FRAS1: variants seen among roughly 807,000 people sequenced by gnomAD.
The protein encoded by FRAS1 is extracellular matrix organizing protein FRAS1.
Under a neutral mutation model 435.2 loss-of-function variants are expected in FRAS1, and 290 were observed. The ratio of observed to expected loss-of-function variants is 0.67; its 90% CI spans 0.61 to 0.73. FRAS1 has a LOEUF of 0.73. Ranked by LOEUF, FRAS1 falls within the 30% of genes least tolerant of loss-of-function variation. The pLI is 0.00. For missense variants in FRAS1, 4,860 were observed against 5,001.5 expected, an observed-to-expected ratio of 0.97 and a Z score of 0.85; for synonymous variants, 1,800 against 1,851.0, an observed-to-expected ratio of 0.97 and a Z score of 0.71.
At chr4:78,528,007 G>T (rs143417512) in intron 70 of FRAS1, among the ~76,000 whole-genome samples, 1 of 152,124 alleles carries the variant, frequency 6.6e-6, no homozygotes, top group African/African-American at 2.4e-5. Flanking sequence ...GGCAGGCAGT[G>T]AATCAATGGA....
chr4:78,182,879 C>T (rs1373577089), intron 2 of FRAS1, among the ~76,000 whole-genome samples: 1 of 27,980 alleles, frequency 3.6e-5, no homozygotes, highest in East Asian at 7.6e-4. Context: ...GACCCTGTCT[C>T]AAAAAAAAGA....
intron 2 of FRAS1, among the ~76,000 whole-genome samples, chr4:78,091,928 G>C (rs1055152175): frequency 4.6e-5 from 6 of 130,558 alleles, no homozygotes; most frequent in African/African-American, 1.7e-4. Flanking sequence ...AGGAGGATCG[G>C]TTGAGTCCAG....
At chr4:78,386,689 G>A (rs1056637082) in intron 28 of FRAS1, among the ~76,000 whole-genome samples, 5 of 151,966 alleles carry the variant, frequency 3.3e-5, no homozygotes, top group Admixed American at 3.3e-4. Flanking sequence ...TTTTTCTGTT[G>A]TGGTTCATTA....
chr4:78,323,090 C>T (rs1410140923), intron 18 of FRAS1, among the ~76,000 whole-genome samples: 1 of 152,170 alleles, frequency 6.6e-6, no homozygotes, highest in East Asian at 1.9e-4. Context: ...CACTTGTATG[C>T]ATTTGTCCTG....
intron 2 of FRAS1, among the ~76,000 whole-genome samples, chr4:78,143,023 T>C (rs1328571224): frequency 6.6e-6 from 1 of 152,158 alleles, no homozygotes; most frequent in Non-Finnish European, 1.5e-5. Flanking sequence ...TTAATTCCAT[T>C]ACATATAAAA....
At chr4:78,115,814 TG>T (rs879704889) in intron 2 of FRAS1, among the ~76,000 whole-genome samples, 43 of 152,138 alleles carry the variant, frequency 2.8e-4, no homozygotes, top group Admixed American at 2.2e-3. Flanking sequence ...AAGTTTTTTT[TG>T]TGTGTCTATT....
rs1490950442 is a variant in FRAS1 at position 78,317,332 on chromosome 4, G to A, written c.1820-36G>A. ...GGAAGTGGGCACTTTATTCACCCAT[G>A]TCCCATGGCGTTCTCCCTCTCACTC... On this transcript the variant is annotated intron_variant, in intron 16 of 73. Transcript: ENST00000512123. 1.9e-6 allele frequency: 3 copies of A among 1,613,064 alleles called. No individual in the cohort carries two copies. The Admixed American group carries it at 5.0e-5, about 27-fold the overall frequency.
intron 1 of FRAS1, among the ~76,000 whole-genome samples, chr4:78,058,637 C>T (rs1312584278): frequency 6.6e-6 from 1 of 152,142 alleles, no homozygotes; most frequent in African/African-American, 2.4e-5. Context: ...AGAAATCTCT[C>T]CAGTACGGAG....
chr4:78,466,848 A>G (rs1482473470), intron 50 of FRAS1, among the ~76,000 whole-genome samples: 2 of 152,146 alleles, frequency 1.3e-5, no homozygotes, highest in East Asian at 3.9e-4. Flanking sequence ...CCCTCAGCCT[A>G]ACCAGAGTTT....
At chr4:78,405,821 T>A (rs1213068033) in intron 30 of FRAS1, among the ~76,000 whole-genome samples, 1 of 152,238 alleles carries the variant, frequency 6.6e-6, no homozygotes, top group Non-Finnish European at 1.5e-5. Context: ...TTAGATGCAT[T>A]TTCATGAGAA....
chr4:78,364,679 GA>G (rs1371838694), intron 22 of FRAS1, among the ~76,000 whole-genome samples: 2 of 151,906 alleles, frequency 1.3e-5, no homozygotes, highest in African/African-American at 2.4e-5. Flanking sequence ...AAATTTGCCT[GA>G]AAAAAAATTA....
chr4:78,058,739 C>T (rs538526766), intron 1 of FRAS1, among the ~76,000 whole-genome samples: 8 of 152,314 alleles, frequency 5.3e-5, no homozygotes, highest in African/African-American at 1.9e-4. Flanking sequence ...TGGTTTTCCT[C>T]CGAGGCTCCA....
chr4:78,222,713 G>T (rs764409457), intron 2 of FRAS1, among the ~76,000 whole-genome samples: 3 of 152,108 alleles, frequency 2.0e-5, no homozygotes, highest in African/African-American at 2.4e-5. Flanking sequence ...GTTGCGGTGG[G>T]TCTCCTAATT....
At chr4:78,092,321 G>C (rs1348908724) in intron 2 of FRAS1, among the ~76,000 whole-genome samples, 1 of 152,142 alleles carries the variant, frequency 6.6e-6, no homozygotes, top group Non-Finnish European at 1.5e-5. Flanking sequence ...TGCTGATAAA[G>C]ACATACCCGA....
At chr4:78,072,187 G>A (rs929784696) in intron 2 of FRAS1, 4 of 151,968 alleles carry the variant, frequency 2.6e-5, no homozygotes, top group African/African-American at 9.7e-5. Context: ...TTATATTAGA[G>A]CAGAAAAAGA....
chr4:78,152,142 G>C (rs1284039500), intron 2 of FRAS1, among the ~76,000 whole-genome samples: 1 of 152,154 alleles, frequency 6.6e-6, no homozygotes, highest in African/African-American at 2.4e-5. Context: ...TTATTATGCT[G>C]TATTTTAGGA....
At chr4:78,404,169 T>C (rs551120975) in intron 30 of FRAS1, among the ~76,000 whole-genome samples, 1 of 152,284 alleles carries the variant, frequency 6.6e-6, no homozygotes, top group Non-Finnish European at 1.5e-5. Context: ...TTTATCATAA[T>C]GTAAGATACG....
chr4:78,114,705 C>T (rs1043953863), intron 2 of FRAS1, among the ~76,000 whole-genome samples: 8 of 152,160 alleles, frequency 5.3e-5, no homozygotes, highest in South Asian at 2.1e-4. Flanking sequence ...CTGAAGTTGC[C>T]TGTCAGCTTA....
intron 61 of FRAS1, among the ~76,000 whole-genome samples, chr4:78,504,199 T>C (rs1287303595): frequency 1.3e-5 from 2 of 152,212 alleles, no homozygotes; most frequent in African/African-American, 2.4e-5. Flanking sequence ...TCTGTTGATT[T>C]TGGGTGGAGA....
Sources: allele counts gnomAD v4.1 joint callset (sites outside exome capture counted in the v4.1 genomes callset), GRCh38; gene constraint gnomAD v4.1.1; transcripts MANE v1.5; gene names NCBI Gene and HGNC (gene_info 2026-07-23, HGNC 2026-07-21).